Variants in UBXN2B observed in about 807,000 individuals in gnomAD.
UBXN2B encodes the protein UBX domain protein 2B.
In UBXN2B, 19 loss-of-function variants were observed where a neutral mutation model predicts 37.5. That is an observed-to-expected ratio of 0.51 (90% CI 0.35 to 0.74). The LOEUF (loss-of-function observed/expected upper bound fraction) is 0.74. UBXN2B is among the 30% of genes least tolerant of loss of function. The pLI is 0.01. For missense variants in UBXN2B, 370 were observed against 393.2 expected (o/e 0.94, Z 0.50); for synonymous variants, 145 against 143.8 (o/e 1.01, Z -0.06).
At chr8:58,426,707 C>T (rs1221221951) in intron 2 of UBXN2B, 5 of 690,542 alleles carry the variant, frequency 7.2e-6, no homozygotes, top group East Asian at 2.7e-5. Context: ...ATTCCGGCTC[C>T]GTGACAGACC....
intron 5 of UBXN2B, among the ~76,000 whole-genome samples, chr8:58,439,298 T>A (rs1808489154): frequency 6.6e-6 from 1 of 152,226 alleles, no homozygotes; most frequent in Admixed American, 6.5e-5. Context: ...TATTAATAAA[T>A]ATCCACATTA....
At chr8:58,423,163 TA>T (rs1807974298) in intron 2 of UBXN2B, among the ~76,000 whole-genome samples, 2 of 152,112 alleles carry the variant, frequency 1.3e-5, no homozygotes, top group Non-Finnish European at 2.9e-5. Flanking sequence ...ATTCTGGACT[TA>T]AGTCTTCAGA....
At chr8:58,423,309 G>T (rs1392937144) in intron 2 of UBXN2B, among the ~76,000 whole-genome samples, 1 of 152,172 alleles carries the variant, frequency 6.6e-6, no homozygotes, top group Non-Finnish European at 1.5e-5. Flanking sequence ...AGAAAGAGAA[G>T]CCCAGACATC....
At position 58,447,619 on chromosome 8, in the gene UBXN2B, C is replaced by A; in HGVS notation, c.*68C>A. 7.3e-7 allele frequency: 1 copy of A among 1,363,952 alleles called. No homozygotes were observed. 84.5% of individuals were successfully genotyped at this position (1,363,952 alleles called of 1,614,324 possible). Reference sequence around the variant, plus strand: ...TGCCGTATTAATAAGGACAATACTTCAGCATTAAAAACAGCCAAATTATTT... The same window carrying A: ...TGCCGTATTAATAAGGACAATACTTAAGCATTAAAAACAGCCAAATTATTT... On this transcript the variant is annotated 3_prime_UTR_variant, in exon 8 of 8. Transcript: ENST00000399598.
chr8:58,436,320 C>T, intron 5 of UBXN2B, among the ~76,000 whole-genome samples: 1 of 152,230 alleles, frequency 6.6e-6, no homozygotes, highest in East Asian at 1.9e-4. Context: ...AATACAATAG[C>T]CTAAAAAATG....
chr8:58,444,137 T>C (rs894890609), intron 6 of UBXN2B, among the ~76,000 whole-genome samples: 1 of 152,188 alleles, frequency 6.6e-6, no homozygotes, highest in African/African-American at 2.4e-5. Context: ...CAGAAAGCAG[T>C]AGATTACAAA....
chr8:58,434,587 G>C (rs1808366685), intron 5 of UBXN2B, 83 bp downstream of exon 5: 5 of 1,060,658 alleles, frequency 4.7e-6, no homozygotes. Flanking sequence ...AGTGCACTAC[G>C]GGTTTTCAAG....
chr8:58,417,469 T>C (rs1440432803), intron 2 of UBXN2B, among the ~76,000 whole-genome samples: 1 of 152,222 alleles, frequency 6.6e-6, no homozygotes, highest in Non-Finnish European at 1.5e-5. Flanking sequence ...CTTTGGGTGA[T>C]GATTCCTCTA....
intron 2 of UBXN2B, among the ~76,000 whole-genome samples, chr8:58,423,061 T>A (rs979475138): frequency 4.0e-5 from 6 of 149,778 alleles, no homozygotes; most frequent in Admixed American, 2.0e-4. Context: ...ATACTCCAGC[T>A]CTCTTCTGGT....
At chr8:58,438,553 G>T (rs973314319) in intron 5 of UBXN2B, among the ~76,000 whole-genome samples, 1 of 152,242 alleles carries the variant, frequency 6.6e-6, no homozygotes, top group Non-Finnish European at 1.5e-5. Flanking sequence ...TCAGACTTCT[G>T]TGGGGCCTGT....
intron 1 of UBXN2B, among the ~76,000 whole-genome samples, chr8:58,413,966 A>G (rs925077892): frequency 6.6e-6 from 1 of 152,146 alleles, no homozygotes; most frequent in African/African-American, 2.4e-5. Context: ...TAAGGTATTT[A>G]GTTGTATACT....
chr8:58,425,157 C>CT, intron 2 of UBXN2B: 1 of 870,384 alleles, frequency 1.1e-6, no homozygotes, highest in South Asian at 1.3e-5. Flanking sequence ...CTTGCCCAAC[C>CT]TTTGAAAGTT....
At chr8:58,411,510 C>A in intron 1 of UBXN2B, 41 bp downstream of exon 1, 1 of 1,241,890 alleles carries the variant, frequency 8.1e-7, no homozygotes, top group Non-Finnish European at 1.0e-6. Context: ...GCGGTGGACG[C>A]GGGCTGGTGA....
chr8:58,413,564 TA>T (rs1807695704), intron 1 of UBXN2B, among the ~76,000 whole-genome samples: 1 of 152,014 alleles, frequency 6.6e-6, no homozygotes, highest in Non-Finnish European at 1.5e-5. Context: ...TCAGAGTGAG[TA>T]AAGGGGCAAC....
At chr8:58,426,200 A>AAC in intron 2 of UBXN2B, 1 of 559,256 alleles carries the variant, frequency 1.8e-6, no homozygotes, top group Admixed American at 3.0e-5. Context: ...AGTGTTCTGA[A>AAC]TCTTTTTTTT....
At chr8:58,423,496 C>T (rs193287110) in intron 2 of UBXN2B, among the ~76,000 whole-genome samples, 8 of 150,086 alleles carry the variant, frequency 5.3e-5, no homozygotes, top group African/African-American at 4.9e-5. Flanking sequence ...AGTGTAGTGG[C>T]GAGGTCTCAG....
In UBXN2B at chr8:58,425,278, C is replaced by T. The variant is rs1409235052; in HGVS notation, c.189-5241C>T. 8 of 1,140,160 alleles carry T rather than the reference C, an allele frequency of 7.0e-6. No individual in the cohort carries two copies. In the Admixed American group the frequency reaches 1.2e-4, roughly 17 times the overall value. The allele number at this position is 1,140,160 out of a possible 1,614,324, so 70.6% of individuals were successfully genotyped here. ...ATCAGGCCAGTATTTGACACATTTA[C>T]TCTATCCTCTCTCCACTTCTTTCGT... is the stretch of plus-strand genomic sequence containing the variant. On this transcript the variant is annotated intron_variant, in intron 2 of 7. Coordinates refer to ENST00000399598, the MANE Select transcript of UBXN2B (RefSeq NM_001077619.2).
At chr8:58,417,062 T>A in intron 2 of UBXN2B, 109 bp downstream of exon 2, 1 of 833,342 alleles carries the variant, frequency 1.2e-6, no homozygotes, top group Non-Finnish European at 1.7e-6. Flanking sequence ...CAATAATTTT[T>A]AAAAATTATT....
At chr8:58,434,542 G>A (rs1393046157) in intron 5 of UBXN2B, 38 bp downstream of exon 5, 1 of 1,415,474 alleles carries the variant, frequency 7.1e-7, no homozygotes, top group African/African-American at 1.5e-5. Flanking sequence ...GTTATGTAGA[G>A]TGGGACTTAT....
Sources: gnomAD v4.1 joint callset for allele counts (sites outside exome capture counted in the v4.1 genomes callset) on GRCh38, gnomAD v4.1.1 for gene constraint, MANE v1.5 for transcripts, NCBI Gene and HGNC (gene_info 2026-07-23, HGNC 2026-07-21) for gene names.